The following TNRC6C variants were observed in gnomAD, a reference collection of about 807,000 sequenced individuals.
TNRC6C encodes the protein trinucleotide repeat containing adaptor 6C.
A neutral mutation model predicts 153.7 loss-of-function variants in TNRC6C; 20 were observed. The observed-to-expected ratio is 0.13, with a 90% CI of 0.09 to 0.19. The LOEUF (loss-of-function observed/expected upper bound fraction) is 0.19, where lower values mean the gene tolerates loss of function less well. Among genes scored for constraint, TNRC6C ranks in the 10% least tolerant of loss-of-function variants. TNRC6C has a pLI of 1.00. For missense variants in TNRC6C, 1,987 were observed against 2,172.0 expected, an observed-to-expected ratio of 0.91 and a Z score of 1.69; for synonymous variants, 811 against 841.4, an observed-to-expected ratio of 0.96 and a Z score of 0.63.
At chr17:78,077,554 T>A in intron 9 of TNRC6C, 1 of 628,386 alleles carries the variant, frequency 1.6e-6, no homozygotes, top group Non-Finnish European at 2.7e-6. Flanking sequence ...TACACTTAAC[T>A]AAAACGTGTT....
At chr17:77,996,116 A>G (rs141048508) in intron 1 of TNRC6C, among the ~76,000 whole-genome samples, 173 of 152,344 alleles carry the variant, frequency 1.1e-3, no homozygotes, top group African/African-American at 4.1e-3. Context: ...GGACATGTTA[A>G]TATGGCAATA....
At chr17:77,978,824 C>T (rs1281961154) in intron 1 of TNRC6C, among the ~76,000 whole-genome samples, 1 of 152,136 alleles carries the variant, frequency 6.6e-6, no homozygotes, top group Non-Finnish European at 1.5e-5. Flanking sequence ...TAAAAATTTT[C>T]CTGAAATCCA....
chr17:77,966,889 A>G (rs1301976512), intron 1 of TNRC6C, among the ~76,000 whole-genome samples: 1 of 152,232 alleles, frequency 6.6e-6, no homozygotes, highest in East Asian at 1.9e-4. Context: ...AGAGAAAACA[A>G]AAATCTTTAA....
chr17:78,024,800 CT>C (rs879335860), intron 1 of TNRC6C, among the ~76,000 whole-genome samples: 210 of 143,588 alleles, frequency 1.5e-3, no homozygotes, highest in Middle Eastern at 7.2e-3. Context: ...AGTATTGATA[CT>C]TTTTTTTTTT....
intron 1 of TNRC6C, among the ~76,000 whole-genome samples, chr17:77,995,548 T>G (rs1465357934): frequency 6.6e-6 from 1 of 152,208 alleles, no homozygotes; most frequent in East Asian, 1.9e-4. Context: ...GGAAAAGCAT[T>G]ATGCTTATCA....
At chr17:78,010,772 A>C (rs1198788273) in intron 1 of TNRC6C, among the ~76,000 whole-genome samples, 1 of 152,224 alleles carries the variant, frequency 6.6e-6, no homozygotes, top group Non-Finnish European at 1.5e-5. Flanking sequence ...TCCAGGGGGA[A>C]ATATAATAAA....
In TNRC6C at chr17:78,102,551, T is replaced by G. The variant is rs2073616211; in HGVS notation, c.4572+7T>G. On this transcript the variant is annotated splice_region_variant and intron_variant, in intron 18 of 19. Coordinates refer to ENST00000301624, the Ensembl canonical transcript of TNRC6C. ...TCGAAACCTCACTCCCCAGGTGCAA[T>G]ATGGTGCCCCTGCATCACTGAGCAT... The G allele has an allele frequency of 6.3e-7, 1 of 1,596,276 alleles. No homozygotes were observed.
At chr17:78,102,811 A>G in intron 18 of TNRC6C, 1 of 454,024 alleles carries the variant, frequency 2.2e-6, no homozygotes, top group South Asian at 3.1e-5. Flanking sequence ...CTCTGTAAAT[A>G]GAATTGTTTA....
intron 1 of TNRC6C, among the ~76,000 whole-genome samples, chr17:77,967,663 C>G (rs2056277544): frequency 6.6e-6 from 1 of 152,122 alleles, no homozygotes; most frequent in South Asian, 2.1e-4. Context: ...CTGACCCAAT[C>G]ATGAAAAAAC....
chr17:78,086,389 A>G (rs1317005603), intron 11 of TNRC6C, 114 bp from the exon 14 acceptor site: 8 of 812,556 alleles, frequency 9.8e-6, no homozygotes, highest in Non-Finnish European at 1.6e-5. Context: ...GTATGGGCCA[A>G]GAAGAGTGGC....
chr17:78,069,223 G>T (rs1213509192), intron 5 of TNRC6C, among the ~76,000 whole-genome samples: 1 of 151,788 alleles, frequency 6.6e-6, no homozygotes, highest in Non-Finnish European at 1.5e-5. Context: ...AAAAAAATCA[G>T]CCAGAAACCC....
chr17:78,080,899 A>G (rs1253647767), intron 10 of TNRC6C, among the ~76,000 whole-genome samples: 1 of 152,216 alleles, frequency 6.6e-6, no homozygotes, highest in African/African-American at 2.4e-5. Flanking sequence ...GTGTTAATTC[A>G]TCAATCTTCT....
intron 1 of TNRC6C, among the ~76,000 whole-genome samples, chr17:77,977,132 G>A (rs1011173778): frequency 5.3e-5 from 8 of 151,356 alleles, no homozygotes; most frequent in Non-Finnish European, 8.8e-5. Context: ...CTATATATAC[G>A]TTTTCTTTCT....
intron 1 of TNRC6C, among the ~76,000 whole-genome samples, chr17:77,998,234 T>TATA (rs774726963): frequency 6.6e-6 from 1 of 152,202 alleles, no homozygotes; most frequent in African/African-American, 2.4e-5. Context: ...TCAAGACTGT[T>TATA]ATATAAGTGG....
chr17:77,983,679 C>A (rs376781806), intron 1 of TNRC6C, among the ~76,000 whole-genome samples: 2 of 152,126 alleles, frequency 1.3e-5, no homozygotes, highest in Non-Finnish European at 2.9e-5. Context: ...ACCATCCATG[C>A]GTTCATAACC....
At chr17:78,006,557 TCTTCCTTCTTC>T (rs1567910994) in intron 1 of TNRC6C, among the ~76,000 whole-genome samples, 3 of 138,680 alleles carry the variant, frequency 2.2e-5, no homozygotes, top group African/African-American at 8.2e-5. Context: ...TTCTTCTTCT[TCTTCCTTCTTC>T]CTTCTTCCTT....
chr17:78,102,803 C>A, intron 18 of TNRC6C: 1 of 477,970 alleles, frequency 2.1e-6, no homozygotes, highest in Non-Finnish European at 3.7e-6. Context: ...AAAGTGTGCT[C>A]TGTAAATAGA....
chr17:78,006,989 G>A (rs760192884), intron 1 of TNRC6C, among the ~76,000 whole-genome samples: 19 of 142,150 alleles, frequency 1.3e-4, no homozygotes, highest in South Asian at 2.3e-4. Flanking sequence ...TTACAGGCAC[G>A]CATGGCCACA....
chr17:77,967,222 C>T (rs2070904316), intron 1 of TNRC6C, among the ~76,000 whole-genome samples: 1 of 152,082 alleles, frequency 6.6e-6, no homozygotes, highest in Non-Finnish European at 1.5e-5. Flanking sequence ...CATTTCCTTG[C>T]AGATTAATGC....
Sources: gnomAD v4.1 joint callset for allele counts (sites outside exome capture counted in the v4.1 genomes callset) on GRCh38, gnomAD v4.1.1 for gene constraint, MANE v1.5 for transcripts, NCBI Gene and HGNC (gene_info 2026-07-23, HGNC 2026-07-21) for gene names.